The following PTPRD variants were observed in gnomAD, a reference collection of about 807,000 sequenced individuals.
PTPRD encodes protein tyrosine phosphatase receptor type D.
A neutral mutation model predicts 214.5 loss-of-function variants in PTPRD; 34 were observed. The ratio of observed to expected loss-of-function variants is 0.16; its 90% CI spans 0.12 to 0.21. The LOEUF (loss-of-function observed/expected upper bound fraction) is 0.21. Among genes scored for constraint, PTPRD ranks in the 10% least tolerant of loss-of-function variants. The probability of loss-of-function intolerance (pLI) is 1.00; values close to 1 mark genes in which losing one functional copy is unlikely to be tolerated. For synonymous variants in PTPRD, 1,128 were observed against 845.7 expected, an observed-to-expected ratio of 1.33 and a Z score of -5.79; for missense variants, 2,545 against 2,398.7, an observed-to-expected ratio of 1.06 and a Z score of -1.27.
intron 14 of PTPRD, among the ~76,000 whole-genome samples, chr9:8,571,324 C>T (rs1197565226): frequency 2.0e-5 from 3 of 152,080 alleles, no homozygotes; most frequent in Non-Finnish European, 4.4e-5. Flanking sequence ...AGCTTCATAG[C>T]TAACAATTAC....
At chr9:8,370,853 G>C (rs931433981) in intron 39 of PTPRD, among the ~76,000 whole-genome samples, 3 of 152,078 alleles carry the variant, frequency 2.0e-5, no homozygotes, top group Non-Finnish European at 2.9e-5. Context: ...ACCACTAGTA[G>C]TATGAGCTCA....
At chr9:9,687,291 T>G (rs2097182594) in intron 7 of PTPRD, among the ~76,000 whole-genome samples, 1 of 151,846 alleles carries the variant, frequency 6.6e-6, no homozygotes, top group South Asian at 2.1e-4. Context: ...AAACAGGATC[T>G]ACTAAAATAA....
intron 5 of PTPRD, among the ~76,000 whole-genome samples, chr9:9,866,647 G>C (rs1368253094): frequency 1.3e-5 from 2 of 152,116 alleles, no homozygotes; most frequent in East Asian, 1.9e-4. Flanking sequence ...TTTTCTTCTT[G>C]AAATTAGCAT....
intron 6 of PTPRD, among the ~76,000 whole-genome samples, chr9:9,745,501 T>C (rs912538915): frequency 2.6e-5 from 4 of 152,166 alleles, no homozygotes; most frequent in African/African-American, 9.6e-5. Context: ...CCTCTCTTTA[T>C]CACCATCGTG....
At chr9:8,602,722 C>T (rs1352542294) in intron 14 of PTPRD, among the ~76,000 whole-genome samples, 1 of 152,144 alleles carries the variant, frequency 6.6e-6, no homozygotes, top group Non-Finnish European at 1.5e-5. Flanking sequence ...CCAGAGTCAG[C>T]ACCATGCCCA....
At chr9:9,957,379 G>A (rs2094012391) in intron 4 of PTPRD, among the ~76,000 whole-genome samples, 1 of 151,942 alleles carries the variant, frequency 6.6e-6, no homozygotes, top group African/African-American at 2.4e-5. Flanking sequence ...TACACATGCA[G>A]ACAATAAGAT....
In PTPRD at chr9:8,341,840, G is replaced by A. The variant is rs1481827015; in HGVS notation, c.4800C>T (p.Asp1600=). The change falls in exon 40 of 46, where the codon GAC becomes GAT. Residue 1600 remains aspartate (D), a synonymous_variant. Transcript: ENST00000381196. ...GTGCATCATGGATAAAGATGTATTG[G>A]TCTTCTGTTTGAACCATATAGTTCC... The part of the protein sequence containing the change: ...AQRNYMVQTE[D]QYIFIHDALL... The A allele has an allele frequency of 2.5e-6, 4 of 1,613,344 alleles. No individual in the cohort carries two copies. The highest frequency in any genetic ancestry group is 1.6e-4 in the Middle Eastern group (1 of 6,078).
chr9:10,265,082 A>G (rs1255751119), intron 3 of PTPRD, among the ~76,000 whole-genome samples: 2 of 152,118 alleles, frequency 1.3e-5, no homozygotes, highest in Non-Finnish European at 2.9e-5. Context: ...TTTCTTTATA[A>G]ATTACTCAGT....
chr9:9,071,772 C>A (rs977132247), intron 10 of PTPRD, among the ~76,000 whole-genome samples: 7 of 152,020 alleles, frequency 4.6e-5, no homozygotes, highest in Admixed American at 6.6e-5. Context: ...TAACTGGGCT[C>A]TTGATTCATA....
At chr9:8,727,478 C>G (rs1002635651) in intron 12 of PTPRD, among the ~76,000 whole-genome samples, 2 of 152,170 alleles carry the variant, frequency 1.3e-5, no homozygotes, top group African/African-American at 4.8e-5. Flanking sequence ...AATTTTGCCA[C>G]ACCTCTACTA....
chr9:10,549,361 C>T (rs1256212560), intron 2 of PTPRD, among the ~76,000 whole-genome samples: 1 of 151,962 alleles, frequency 6.6e-6, no homozygotes, highest in Admixed American at 6.6e-5. Context: ...GAAGGATTAG[C>T]TTTTAACTAA....
intron 3 of PTPRD, among the ~76,000 whole-genome samples, chr9:10,080,751 G>A (rs1451793115): frequency 6.6e-6 from 1 of 152,008 alleles, no homozygotes; most frequent in Non-Finnish European, 1.5e-5. Context: ...TAGCTAGGGA[G>A]GCAAAGAGAA....
chr9:10,276,706 T>C (rs932369704), intron 3 of PTPRD, among the ~76,000 whole-genome samples: 1 of 152,222 alleles, frequency 6.6e-6, no homozygotes, highest in African/African-American at 2.4e-5. Context: ...AAATTATTCT[T>C]ATGGCTGGCA....
At chr9:10,538,067 G>T (rs2784609) in intron 2 of PTPRD, among the ~76,000 whole-genome samples, 128,031 of 151,776 alleles carry the variant, frequency 0.84, 54,558 homozygotes, top group South Asian at 0.92. Context: ...GTTTAGGCTT[G>T]TCAACTTGCA....
At chr9:9,549,316 G>T (rs1393318848) in intron 8 of PTPRD, among the ~76,000 whole-genome samples, 3 of 151,850 alleles carry the variant, frequency 2.0e-5, no homozygotes, top group Non-Finnish European at 4.4e-5. Context: ...AATATATAAA[G>T]AACTCTTATA....
intron 10 of PTPRD, among the ~76,000 whole-genome samples, chr9:9,075,317 A>G (rs971248862): frequency 6.6e-6 from 1 of 152,088 alleles, no homozygotes; most frequent in Non-Finnish European, 1.5e-5. Context: ...CATTATACTC[A>G]GTTATTTTTA....
chr9:9,758,116 C>G (rs1426713456), intron 6 of PTPRD, among the ~76,000 whole-genome samples: 4 of 142,854 alleles, frequency 2.8e-5, no homozygotes, highest in East Asian at 2.2e-4. Context: ...TGTATTTGAA[C>G]TGCTCAGTTC....
At chr9:10,161,593 A>C (rs766695208) in intron 3 of PTPRD, among the ~76,000 whole-genome samples, 1 of 151,812 alleles carries the variant, frequency 6.6e-6, no homozygotes, top group Admixed American at 6.6e-5. Flanking sequence ...CCCTGAAACT[A>C]TTATAAGAAA....
chr9:9,775,064 G>C (rs2098785988), intron 5 of PTPRD, among the ~76,000 whole-genome samples: 1 of 152,150 alleles, frequency 6.6e-6, no homozygotes, highest in South Asian at 2.1e-4. Context: ...ATTTCTGAGA[G>C]CTAAACTTGA....
Sources: allele counts gnomAD v4.1 joint callset (sites outside exome capture counted in the v4.1 genomes callset), GRCh38; gene constraint gnomAD v4.1.1; transcripts MANE v1.5; gene names NCBI Gene and HGNC (gene_info 2026-07-23, HGNC 2026-07-21).